Variants in ELAVL2 observed in about 807,000 individuals in gnomAD.
The protein encoded by ELAVL2 is ELAV like RNA binding protein 2.
In ELAVL2, 4 loss-of-function variants were observed where a neutral mutation model predicts 34.6. That is an observed-to-expected ratio of 0.12 (90% CI 0.06 to 0.26). ELAVL2 has a LOEUF of 0.26. ELAVL2 is among the 10% of genes least tolerant of loss of function. The pLI is 1.00. For synonymous variants in ELAVL2, 193 were observed against 154.8 expected (o/e 1.25, Z -1.83); for missense variants, 432 against 442.8 (o/e 0.98, Z 0.22).
chr9:23,713,611 C>CT (rs1332729627), intron 3 of ELAVL2, among the ~76,000 whole-genome samples: 1 of 152,138 alleles, frequency 6.6e-6, no homozygotes, highest in Non-Finnish European at 1.5e-5. Flanking sequence ...AGAATGCTAA[C>CT]TCCCTTACTT....
At chr9:23,774,055 C>T (rs2057769099) in intron 1 of ELAVL2, among the ~76,000 whole-genome samples, 1 of 151,368 alleles carries the variant, frequency 6.6e-6, no homozygotes. Flanking sequence ...ATTAAAAATA[C>T]AAAAAATTAG....
chr9:23,744,283 G>T (rs2049980735), intron 2 of ELAVL2, among the ~76,000 whole-genome samples: 1 of 152,166 alleles, frequency 6.6e-6, no homozygotes, highest in African/African-American at 2.4e-5. Context: ...AATGTAGAAT[G>T]CCATACAAAA....
the ELAVL2 span, among the ~76,000 whole-genome samples, chr9:23,838,305 G>GA: frequency 1.8e-4 from 28 of 151,930 alleles, no homozygotes; most frequent in South Asian, 2.3e-3. Flanking sequence ...GTTTCAGAAA[G>GA]AAAAAACTCT....
At chr9:23,724,942 G>A (rs2044692484) in intron 3 of ELAVL2, among the ~76,000 whole-genome samples, 1 of 151,922 alleles carries the variant, frequency 6.6e-6, no homozygotes, top group Admixed American at 6.6e-5. Flanking sequence ...GTTAATTTGA[G>A]GCCTGTTCTT....
chr9:23,719,034 G>A (rs550482452), intron 3 of ELAVL2, among the ~76,000 whole-genome samples: 3 of 152,268 alleles, frequency 2.0e-5, no homozygotes, highest in African/African-American at 4.8e-5. Flanking sequence ...TTCACTGTAC[G>A]CAATAAAGAG....
At chr9:23,708,410 G>A (rs982914835) in intron 3 of ELAVL2, among the ~76,000 whole-genome samples, 1 of 152,098 alleles carries the variant, frequency 6.6e-6, no homozygotes, top group African/African-American at 2.4e-5. Flanking sequence ...ACATGCCTAA[G>A]GTTATACACA....
chr9:23,705,389 A>C (rs1208992693), intron 3 of ELAVL2, among the ~76,000 whole-genome samples: 2 of 152,186 alleles, frequency 1.3e-5, no homozygotes, highest in Non-Finnish European at 2.9e-5. Flanking sequence ...GTCTGGGATC[A>C]ATTTGCGGAG....
chr9:23,739,364 G>C (rs919438910), intron 2 of ELAVL2, among the ~76,000 whole-genome samples: 1 of 152,146 alleles, frequency 6.6e-6, no homozygotes, highest in African/African-American at 2.4e-5. Context: ...CACCAGGATA[G>C]AGCAAATGCC....
intron 3 of ELAVL2, among the ~76,000 whole-genome samples, chr9:23,718,298 T>C (rs916314041): frequency 1.3e-5 from 2 of 152,130 alleles, no homozygotes; most frequent in Non-Finnish European, 2.9e-5. Flanking sequence ...GCAAGCCCTA[T>C]CTACATTACA....
At chr9:23,783,813 G>T (rs373158059) in intron 1 of ELAVL2, among the ~76,000 whole-genome samples, 10 of 152,232 alleles carry the variant, frequency 6.6e-5, no homozygotes, top group African/African-American at 2.4e-4. Context: ...ATCAGGCTCA[G>T]AACAGAGAAA....
At chr9:23,804,410 A>C (rs1326272350) in intron 1 of ELAVL2, among the ~76,000 whole-genome samples, 1 of 152,216 alleles carries the variant, frequency 6.6e-6, no homozygotes, top group African/African-American at 2.4e-5. Context: ...TACTTAATAC[A>C]TAGATCTTTT....
chr9:23,716,642 C>T (rs1440282321), intron 3 of ELAVL2, among the ~76,000 whole-genome samples: 1 of 152,180 alleles, frequency 6.6e-6, no homozygotes, highest in Non-Finnish European at 1.5e-5. Context: ...CTGCAAGCTG[C>T]TCTCCAAAGA....
intron 3 of ELAVL2, among the ~76,000 whole-genome samples, chr9:23,722,946 G>T (rs1458541395): frequency 6.6e-6 from 1 of 152,146 alleles, no homozygotes; most frequent in South Asian, 2.1e-4. Flanking sequence ...ACAGACTGAA[G>T]CCAAACTGAC....
At chr9:23,700,554 C>A (rs917084586) in intron 5 of ELAVL2, among the ~76,000 whole-genome samples, 5 of 152,160 alleles carry the variant, frequency 3.3e-5, no homozygotes, top group Non-Finnish European at 7.3e-5. Context: ...AACCGACAGG[C>A]CAAATGGAGA....
intron 1 of ELAVL2, among the ~76,000 whole-genome samples, chr9:23,811,991 G>A (rs1257222952): frequency 6.6e-6 from 1 of 152,116 alleles, no homozygotes; most frequent in African/African-American, 2.4e-5. Flanking sequence ...AAAAGACACA[G>A]TCCTGTCCCT....
intron 2 of ELAVL2, among the ~76,000 whole-genome samples, chr9:23,732,021 A>T (rs1453428731): frequency 6.6e-6 from 1 of 152,174 alleles, no homozygotes; most frequent in African/African-American, 2.4e-5. Context: ...CTTTTCAATG[A>T]AGCAAGTTTC....
At position 23,709,565 on chromosome 9, in the gene ELAVL2, A is replaced by C. The variant is rs376557737; in HGVS notation, c.334-4494T>G. ...AGTATCTTTTTGGTTCTACAAGACT[A>C]AACTCCCTTGAAGGCCCAAAAGAGT... is the stretch of plus-strand genomic sequence containing the variant. On this transcript the variant is annotated intron_variant, in intron 3 of 6. Coordinates refer to ENST00000397312, the MANE Select transcript of ELAVL2 (RefSeq NM_004432.5). Among the ~76,000 whole-genome samples, 8 of 152,302 alleles carry C rather than the reference A, an allele frequency of 5.3e-5. 1 individual carries two copies. Among genetic ancestry groups the C allele is most frequent in the Admixed American group, 2.6e-4 (4 of 15,298 alleles).
intron 2 of ELAVL2, among the ~76,000 whole-genome samples, chr9:23,733,565 T>A (rs2047124627): frequency 6.6e-6 from 1 of 152,220 alleles, no homozygotes; most frequent in South Asian, 2.1e-4. Context: ...CACGTGGATG[T>A]GTTTCTTCTA....
chr9:23,770,173 C>T (rs762698718), intron 1 of ELAVL2, among the ~76,000 whole-genome samples: 2 of 152,050 alleles, frequency 1.3e-5, no homozygotes, highest in Non-Finnish European at 2.9e-5. Context: ...AGTATGAACA[C>T]ATAGAAGAAA....
Sources: gnomAD v4.1 joint callset for allele counts (sites outside exome capture counted in the v4.1 genomes callset) on GRCh38, gnomAD v4.1.1 for gene constraint, MANE v1.5 for transcripts, NCBI Gene and HGNC (gene_info 2026-07-23, HGNC 2026-07-21) for gene names.